PCDHGA5: variants seen among roughly 807,000 people sequenced by gnomAD.
The protein encoded by PCDHGA5 is protocadherin gamma subfamily A, 5.
In PCDHGA5, 36 loss-of-function variants were observed where a neutral mutation model predicts 56.7. The ratio of observed to expected loss-of-function variants is 0.64; its 90% confidence interval spans 0.49 to 0.84. PCDHGA5 has a LOEUF of 0.84. Ranked by LOEUF, PCDHGA5 falls within the 40% of genes least tolerant of loss-of-function variation. The pLI, the probability that PCDHGA5 is intolerant of heterozygous loss-of-function variation, is 0.00. For synonymous variants in PCDHGA5, 563 were observed against 520.2 expected (o/e 1.08, Z -1.12); for missense variants, 1,305 against 1,201.5 (o/e 1.09, Z -1.27).
In PCDHGA5 at chr5:141,476,432, G is replaced by T; in HGVS notation, c.2422-18375G>T. 6.2e-7 allele frequency: 1 copy of T among 1,614,116 alleles called. No individual in the cohort carries two copies. The highest frequency in any genetic ancestry group is 8.5e-7 in the Non-Finnish European group (1 of 1,180,028). ...GTGTGGGACACTGCCCTCTTGCACT[G>T]TAACTCTGGAGTTGGTAGTGGAGAA... On this transcript the variant is annotated intron_variant, in intron 1 of 3. Coordinates refer to ENST00000518069, the MANE Select transcript of PCDHGA5 (RefSeq NM_018918.3). The surrounding 1 kb of genome is among the most constrained non-coding windows in gnomAD (Gnocchi z 7.6).
Position 141,485,210 on chromosome 5 carries a change from C to G in PCDHGA5, c.2422-9597C>G. 2 of 1,614,058 alleles carry G rather than the reference C, an allele frequency of 1.2e-6. No individual in the cohort carries two copies. The highest frequency in any genetic ancestry group is 1.7e-6 in the Non-Finnish European group (2 of 1,179,934). On this transcript the variant is annotated intron_variant, in intron 1 of 3. Transcript: ENST00000518069. The surrounding 1 kb of genome is among the most constrained non-coding windows in gnomAD (Gnocchi z 5.7). ...GGTGAGAAGCTGGACAGAAATCTGG[C>G]GGTGGGCTACCCTTTTGTTCCTCTT...
At chr5:141,404,296 T>C in intron 1 of PCDHGA5, 1 of 1,613,946 alleles carries the variant, frequency 6.2e-7, no homozygotes, top group Non-Finnish European at 8.5e-7. Flanking sequence ...TCAATGATAA[T>C]CCACCTGCTT....
chr5:141,383,057 G>A (rs1778763110), intron 1 of PCDHGA5: 2 of 1,613,902 alleles, frequency 1.2e-6, no homozygotes, highest in Non-Finnish European at 1.7e-6. Context: ...AAGGACCTGG[G>A]GCTGGAGCCC....
In PCDHGA5 at chr5:141,432,716, C is replaced by G. The variant is rs1417017747; in HGVS notation, c.2422-62091C>G. ...GGCCGTCCAGGACCACGGCCAGCCC[C>G]CTCTCTCCGCCACTGTCACGCTCAC... On this transcript the variant is annotated intron_variant, in intron 1 of 3. Coordinates refer to ENST00000518069, the MANE Select transcript of PCDHGA5 (RefSeq NM_018918.3). This position sits in a 1 kb window ranked among gnomAD's most constrained non-coding sequence, Gnocchi z 6.0. 5.6e-6 allele frequency: 9 copies of G among 1,613,912 alleles called. No individual in the cohort carries two copies. Among genetic ancestry groups the G allele is most frequent in the Non-Finnish European group, 7.6e-6 (9 of 1,179,990 alleles).
intron 1 of PCDHGA5, chr5:141,394,258 A>T: frequency 6.2e-7 from 1 of 1,613,912 alleles, no homozygotes; most frequent in Non-Finnish European, 8.5e-7. Context: ...CCCGACAGCC[A>T]GGAGAATGCC....
intron 1 of PCDHGA5, chr5:141,410,478 C>T (rs767257836): frequency 1.9e-6 from 3 of 1,613,992 alleles, no homozygotes; most frequent in Non-Finnish European, 2.5e-6. Flanking sequence ...ATTGCACATA[C>T]GGGTACAAAA....
chr5:141,438,063 A>T (rs540817874), intron 1 of PCDHGA5, among the ~76,000 whole-genome samples: 1 of 152,106 alleles, frequency 6.6e-6, no homozygotes, highest in Non-Finnish European at 1.5e-5. Context: ...CTTTTAAGAA[A>T]CCATACTTAA....
At chr5:141,466,123 A>G (rs961197575) in intron 1 of PCDHGA5, among the ~76,000 whole-genome samples, 1 of 151,364 alleles carries the variant, frequency 6.6e-6, no homozygotes, top group African/African-American at 2.4e-5. Flanking sequence ...CTCCAGCTCA[A>G]AAAAAAAATC....
At chr5:141,433,849 A>AC (rs1304649814) in intron 1 of PCDHGA5, among the ~76,000 whole-genome samples, 10 of 152,030 alleles carry the variant, frequency 6.6e-5, no homozygotes, top group Admixed American at 1.3e-4. Flanking sequence ...AAAAAAAAAA[A>AC]AAAAAACTTT....
At position 141,498,920 on chromosome 5, in the gene PCDHGA5, G is replaced by A. The variant is rs930391165; in HGVS notation, c.2480+4055G>A. On this transcript the variant is annotated intron_variant, in intron 2 of 3. Transcript: ENST00000518069. ...TGCACTCCAGTCTGGGTGACAGAGC[G>A]AGACTCCATCAGGAAAGAAAGAAAG... 3.3e-4 allele frequency among the ~76,000 whole-genome samples: 47 copies of A among 142,950 alleles called. 1 individual carries two copies. Among genetic ancestry groups the A allele is most frequent in the African/African-American group, 8.9e-4 (35 of 39,160 alleles). The allele number at this position is 142,950 out of a possible 152,430, so 93.8% of individuals were successfully genotyped here. A position where few individuals can be genotyped will look rare whatever the true frequency, so the allele number is the denominator to read the frequency against.
chr5:141,398,831 C>G (rs1488126013), intron 1 of PCDHGA5: 13 of 1,614,014 alleles, frequency 8.1e-6, no homozygotes, highest in Non-Finnish European at 1.1e-5. Context: ...GTAACCGACG[C>G]CAATGATAAT....
At position 141,490,487 on chromosome 5, in the gene PCDHGA5, C is replaced by T. The variant is rs1398601464; in HGVS notation, c.2422-4320C>T. Reference sequence around the variant, plus strand: ...ACCAGCCAGCCTTTGGACCGGGAGGCCACATCCCACTATATCATCGAGCTG... The same window carrying T: ...ACCAGCCAGCCTTTGGACCGGGAGGTCACATCCCACTATATCATCGAGCTG... On this transcript the variant is annotated intron_variant, in intron 1 of 3. Coordinates refer to ENST00000518069, the MANE Select transcript of PCDHGA5 (RefSeq NM_018918.3). This position sits in a 1 kb window ranked among gnomAD's most constrained non-coding sequence, Gnocchi z 5.4. 4 of 1,614,000 alleles carry T rather than the reference C, an allele frequency of 2.5e-6. No homozygotes were observed. The highest frequency in any genetic ancestry group is 1.7e-5 in the Admixed American group (1 of 59,996).
intron 1 of PCDHGA5, chr5:141,372,783 C>G (rs1324941616): frequency 1.9e-6 from 3 of 1,606,014 alleles, no homozygotes; most frequent in South Asian, 2.2e-5. Context: ...TCCAGAAATG[C>G]CTTCTAATTC....
intron 1 of PCDHGA5, chr5:141,371,329 G>A: frequency 6.2e-7 from 1 of 1,613,968 alleles, no homozygotes; most frequent in Non-Finnish European, 8.5e-7. Flanking sequence ...TTTGAAGAGA[G>A]AGATAGCTAC....
chr5:141,405,050 G>T, intron 1 of PCDHGA5: 1 of 1,613,866 alleles, frequency 6.2e-7, no homozygotes, highest in South Asian at 1.1e-5. Flanking sequence ...TGTGGCAGTC[G>T]TCTCCTGTGT....
chr5:141,471,058 T>C (rs991869999), intron 1 of PCDHGA5, among the ~76,000 whole-genome samples: 2 of 149,826 alleles, frequency 1.3e-5, no homozygotes, highest in Non-Finnish European at 3.0e-5. Context: ...TTTTTTTTTT[T>C]TTTTTTTTGA....
intron 1 of PCDHGA5, 115 bp downstream of exon 1, chr5:141,366,866 T>G (rs998309813): frequency 7.1e-7 from 1 of 1,402,360 alleles, no homozygotes; most frequent in Admixed American, 2.4e-5. Flanking sequence ...TTATTTGCTG[T>G]ATTGGAGATT....
In PCDHGA5 at chr5:141,476,533, A is replaced by G; in HGVS notation, c.2422-18274A>G. 6.2e-7 allele frequency: 1 copy of G among 1,614,184 alleles called. No individual in the cohort carries two copies. Among genetic ancestry groups the G allele is most frequent in the Non-Finnish European group, 8.5e-7 (1 of 1,180,022 alleles). On this transcript the variant is annotated intron_variant, in intron 1 of 3. Transcript: ENST00000518069. The surrounding 1 kb of genome is among the most constrained non-coding windows in gnomAD (Gnocchi z 7.6). ...ACAATCCTGCTTTCCCTACCCAGGA[A>G]ATGAAATTGGAGATTAGCGAGGCCG...
At chr5:141,404,978 G>T (rs373968137) in intron 1 of PCDHGA5, 2 of 1,613,976 alleles carry the variant, frequency 1.2e-6, no homozygotes, top group Non-Finnish European at 8.5e-7. Flanking sequence ...GGCTGACCTG[G>T]GCAGTCTTCA....
Sources: gnomAD v4.1 joint callset for allele counts (sites outside exome capture counted in the v4.1 genomes callset) on GRCh38, gnomAD v4.1.1 for gene constraint, Gnocchi (gnomAD v3.1) non-coding constraint, MANE v1.5 for transcripts, NCBI Gene and HGNC (gene_info 2026-07-23, HGNC 2026-07-21) for gene names.